PLEKHA6: variants seen among roughly 807,000 people sequenced by gnomAD.
PLEKHA6 encodes pleckstrin homology domain-containing family A member 6.
In PLEKHA6, 60 loss-of-function variants were observed where a neutral mutation model predicts 116.7. That is an observed-to-expected ratio of 0.51 (90% CI 0.42 to 0.64). The LOEUF is 0.64. Among genes scored for constraint, PLEKHA6 ranks in the 30% least tolerant of loss-of-function variants. The pLI, the probability that PLEKHA6 is intolerant of heterozygous loss-of-function variation, is 0.00. For missense variants in PLEKHA6, 1,338 were observed against 1,422.7 expected (o/e 0.94, Z 0.96); for synonymous variants, 489 against 556.1 (o/e 0.88, Z 1.70).
intron 1 of PLEKHA6, among the ~76,000 whole-genome samples, chr1:204,310,829 T>G (rs1671630018): frequency 6.6e-6 from 1 of 152,022 alleles, no homozygotes; most frequent in Admixed American, 6.6e-5. Context: ...CTCAAAGACT[T>G]TGGGAGAAAA....
chr1:204,266,587 G>C (rs537498444), intron 5 of PLEKHA6, among the ~76,000 whole-genome samples: 1 of 152,176 alleles, frequency 6.6e-6, no homozygotes, highest in Non-Finnish European at 1.5e-5. Flanking sequence ...GCCCCTTCCT[G>C]ATTTCCCTCC....
At chr1:204,230,790 G>C (rs1410220439) in intron 17 of PLEKHA6, among the ~76,000 whole-genome samples, 2 of 152,206 alleles carry the variant, frequency 1.3e-5, no homozygotes, top group Non-Finnish European at 2.9e-5. Context: ...CTGAATTAGA[G>C]TGGGCCCTAA....
intron 13 of PLEKHA6, 58 bp downstream of exon 13, chr1:204,247,307 C>T (rs1663832855): frequency 2.1e-5 from 22 of 1,067,776 alleles, no homozygotes; most frequent in South Asian, 1.8e-4. Flanking sequence ...TGTCTCGAGG[C>T]CAACTCCTCA....
intron 1 of PLEKHA6, among the ~76,000 whole-genome samples, chr1:204,341,061 G>A (rs146367977): frequency 2.9e-4 from 44 of 152,316 alleles, no homozygotes; most frequent in African/African-American, 1.1e-3. Context: ...TGGCCACGGT[G>A]CTCTACCAGC....
At chr1:204,263,192 G>A (rs1388038105) in intron 6 of PLEKHA6, among the ~76,000 whole-genome samples, 1 of 152,210 alleles carries the variant, frequency 6.6e-6, no homozygotes, top group Non-Finnish European at 1.5e-5. Context: ...GACAGGAGAA[G>A]GCAGAGGGCC....
At chr1:204,255,751 A>C (rs1433047445) in intron 9 of PLEKHA6, 1 of 697,336 alleles carries the variant, frequency 1.4e-6, no homozygotes. Flanking sequence ...GAAAACAATA[A>C]AAAAAGAAGC....
rs1329582901 is a variant in PLEKHA6 at position 204,220,468 on chromosome 1, G to A, written c.*2320C>T. ...GTGGCAGAGGGACAGGCACAGGGTT[G>A]GGACCTAAAGGCAGTTACCCCATCT... On this transcript the variant is annotated 3_prime_UTR_variant, in exon 23 of 23. Coordinates refer to ENST00000272203, the MANE Select transcript of PLEKHA6 (RefSeq NM_014935.5). 6.6e-6 allele frequency: 1 copy of A among 152,608 alleles called. No homozygotes were observed. Among genetic ancestry groups the A allele is most frequent in the Admixed American group, 6.5e-5 (1 of 15,286 alleles). 9.5% of individuals were successfully genotyped at this position (152,608 alleles called of 1,614,324 possible).
intron 7 of PLEKHA6, among the ~76,000 whole-genome samples, chr1:204,260,114 C>A (rs1665922116): frequency 6.6e-6 from 1 of 152,306 alleles, no homozygotes; most frequent in Admixed American, 6.5e-5. Flanking sequence ...TGACCCAGCT[C>A]CCCAAACTGG....
chr1:204,276,978 C>T (rs72749793), intron 1 of PLEKHA6: 1 of 152,574 alleles, frequency 6.6e-6, no homozygotes, highest in African/African-American at 2.4e-5. Flanking sequence ...GCTCATGATC[C>T]GTGGAAGACA....
At chr1:204,347,093 G>T in intron 1 of PLEKHA6, 1 of 1,277,188 alleles carries the variant, frequency 7.8e-7, no homozygotes, top group Non-Finnish European at 1.1e-6. Flanking sequence ...CCGTGGTAAC[G>T]CGTGTGGGGC....
Position 204,220,686 on chromosome 1 carries a change from G to A in PLEKHA6, c.*2102C>T, listed in dbSNP as rs920909927. 1.3e-5 allele frequency: 2 copies of A among 152,442 alleles called. No homozygotes were observed. Among genetic ancestry groups the A allele is most frequent in the African/African-American group, 4.8e-5 (2 of 41,372 alleles). 9.4% of individuals were successfully genotyped at this position (152,442 alleles called of 1,614,324 possible). Reference sequence around the variant, plus strand: ...AAATAAGGGAGAGAAAAACAGGCCTGGGCAGGAACTGTAGGAAAAGATCAG... The same window carrying A: ...AAATAAGGGAGAGAAAAACAGGCCTAGGCAGGAACTGTAGGAAAAGATCAG... On this transcript the variant is annotated 3_prime_UTR_variant, in exon 23 of 23. Transcript: ENST00000272203.
chr1:204,366,122 G>A (rs904191531), intron 3 of PLEKHA6, among the ~76,000 whole-genome samples: 3 of 152,220 alleles, frequency 2.0e-5, no homozygotes, highest in Non-Finnish European at 2.9e-5. Flanking sequence ...TACGTTTCTA[G>A]GGACTGGTGA....
chr1:204,342,100 G>A (rs182019787), intron 1 of PLEKHA6, among the ~76,000 whole-genome samples: 6 of 152,168 alleles, frequency 3.9e-5, no homozygotes, highest in Non-Finnish European at 5.9e-5. Flanking sequence ...CAGGAGGATC[G>A]CTTGAGCCTG....
In PLEKHA6 at chr1:204,220,927, G is replaced by T. The variant is rs911579847; in HGVS notation, c.*1861C>A. 1.3e-5 allele frequency: 2 copies of T among 152,044 alleles called. No individual in the cohort carries two copies. The highest frequency in any genetic ancestry group is 2.9e-5 in the Non-Finnish European group (2 of 67,988). The allele number at this position is 152,044 out of a possible 1,614,324, so 9.4% of individuals were successfully genotyped here. A position where few individuals can be genotyped will look rare whatever the true frequency, so the allele number is the denominator to read the frequency against. On this transcript the variant is annotated 3_prime_UTR_variant, in exon 23 of 23. Coordinates refer to ENST00000272203, the MANE Select transcript of PLEKHA6 (RefSeq NM_014935.5). ...AAAAAAGAGACGGACAAAGTGGCAG[G>T]CATGGAAGGCCCTGAAAAATCTGTT...
intron 1 of PLEKHA6, among the ~76,000 whole-genome samples, chr1:204,332,488 T>A (rs958398683): frequency 6.6e-6 from 1 of 152,054 alleles, no homozygotes; most frequent in African/African-American, 2.4e-5. Context: ...TTCAAGCAAT[T>A]CTCCTGCCTC....
chr1:204,308,029 C>T, intron 1 of PLEKHA6: 1 of 269,910 alleles, frequency 3.7e-6, no homozygotes, highest in Non-Finnish European at 5.7e-6. Flanking sequence ...ATTTGTCTTC[C>T]TCACCTCTCC....
intron 1 of PLEKHA6, among the ~76,000 whole-genome samples, chr1:204,315,791 C>T (rs564537891): frequency 2.6e-5 from 4 of 152,110 alleles, no homozygotes; most frequent in Non-Finnish European, 5.9e-5. Flanking sequence ...ATGAGGGCAG[C>T]GTGAGTGGGG....
At chr1:204,230,636 A>G (rs1024507208) in intron 17 of PLEKHA6, 50 bp from the exon 18 acceptor site, 2 of 1,491,484 alleles carry the variant, frequency 1.3e-6, no homozygotes, top group Non-Finnish European at 1.8e-6. Flanking sequence ...TCCCCCACCC[A>G]GCTTTTCCAT....
intron 1 of PLEKHA6, among the ~76,000 whole-genome samples, chr1:204,298,184 T>A (rs1419946779): frequency 6.6e-6 from 1 of 152,242 alleles, no homozygotes; most frequent in Non-Finnish European, 1.5e-5. Context: ...TGTCTTCTCA[T>A]GCAAAAATAG....
Sources: gnomAD v4.1 joint callset for allele counts (sites outside exome capture counted in the v4.1 genomes callset) on GRCh38, gnomAD v4.1.1 for gene constraint, MANE v1.5 for transcripts, NCBI Gene and HGNC (gene_info 2026-07-23, HGNC 2026-07-21) for gene names.